The following PHTF2 variants were observed in gnomAD, a reference collection of about 807,000 sequenced individuals.
PHTF2 encodes the protein putative homeodomain transcription factor 2.
Under a neutral mutation model 101.2 loss-of-function variants are expected in PHTF2, and 60 were observed. The observed-to-expected ratio is 0.59, with a 90% CI of 0.48 to 0.73. PHTF2 has a LOEUF of 0.73. PHTF2 is among the 30% of genes least tolerant of loss of function. PHTF2 has a pLI of 0.00. For synonymous variants in PHTF2, 311 were observed against 307.3 expected (o/e 1.01, Z -0.13); for missense variants, 747 against 908.7 (o/e 0.82, Z 2.29).
At chr7:77,840,355 A>ATGTTTAT (rs1795775444) in intron 2 of PHTF2, 55 bp downstream of exon 2, 1 of 1,093,000 alleles carries the variant, frequency 9.1e-7, no homozygotes. Flanking sequence ...TCAAAAATAC[A>ATGTTTAT]TGTTTATTTC....
intron 11 of PHTF2, among the ~76,000 whole-genome samples, chr7:77,927,177 A>AATATATATATATATAT (rs386410516): frequency 6.4e-5 from 5 of 78,152 alleles, no homozygotes; most frequent in Admixed American, 1.8e-4. Context: ...AAAAAAAAAA[A>AATATATATATATATAT]ATATATATAT....
chr7:77,885,659 A>G (rs1584593585), intron 3 of PHTF2, among the ~76,000 whole-genome samples: 1 of 152,152 alleles, frequency 6.6e-6, no homozygotes, highest in East Asian at 1.9e-4. Flanking sequence ...TGGCCAGGCT[A>G]GTCTGGAGCT....
intron 1 of PHTF2, among the ~76,000 whole-genome samples, chr7:77,817,581 A>C (rs138774406): frequency 1.3e-5 from 2 of 149,214 alleles, no homozygotes; most frequent in Admixed American, 6.7e-5. Flanking sequence ...CATGAGGGAA[A>C]CCACCCCAAT....
At chr7:77,937,825 T>C in exon 13 of PHTF2, 1 of 1,535,112 alleles carries the variant, frequency 6.5e-7, no homozygotes, top group Non-Finnish European at 8.8e-7. Context: ...ATCAGTGGAA[T>C]GATAATGAAC....
chr7:77,821,071 T>C (rs1794248723), intron 1 of PHTF2, among the ~76,000 whole-genome samples: 1 of 152,186 alleles, frequency 6.6e-6, no homozygotes, highest in African/African-American at 2.4e-5. Flanking sequence ...AAAGGTTTTA[T>C]TTCTCCTTCA....
rs140058060 is a variant in PHTF2 at position 77,852,266 on chromosome 7, C to G, written c.46-2467C>G. ...CAGCACTTTCGGAGGCTGAGGCAGG[C>G]AGATCACTTGAGGTCAGGAGTTTAA... On this transcript the variant is annotated intron_variant, in intron 2 of 19. Coordinates refer to ENST00000416283, the Ensembl canonical transcript of PHTF2. 5.2e-3 allele frequency among the ~76,000 whole-genome samples: 796 copies of G among 152,318 alleles called. 7 individuals carry two copies. Among genetic ancestry groups the G allele is most frequent in the African/African-American group, 0.018 (740 of 41,564 alleles).
chr7:77,856,926 T>C (rs555953269), intron 3 of PHTF2, among the ~76,000 whole-genome samples: 1 of 152,156 alleles, frequency 6.6e-6, no homozygotes, highest in Non-Finnish European at 1.5e-5. Context: ...TTTATCACTC[T>C]TAAAAATAAT....
intron 5 of PHTF2, among the ~76,000 whole-genome samples, chr7:77,895,725 G>A (rs573588022): frequency 6.6e-6 from 1 of 152,242 alleles, no homozygotes; most frequent in East Asian, 1.9e-4. Context: ...ATGTTAGGGT[G>A]AGGAAGGATT....
At chr7:77,931,079 G>A (rs891838297) in intron 12 of PHTF2, among the ~76,000 whole-genome samples, 1 of 152,036 alleles carries the variant, frequency 6.6e-6, no homozygotes, top group Non-Finnish European at 1.5e-5. Context: ...GAAAAAGAAC[G>A]GACTATATGG....
At chr7:77,945,170 C>G (rs924674772) in intron 16 of PHTF2, among the ~76,000 whole-genome samples, 3 of 152,152 alleles carry the variant, frequency 2.0e-5, no homozygotes, top group African/African-American at 7.2e-5. Flanking sequence ...TGAAACCTCT[C>G]TCTACTGAAA....
chr7:77,880,236 TC>T (rs373132414), intron 3 of PHTF2, among the ~76,000 whole-genome samples: 37 of 152,326 alleles, frequency 2.4e-4, no homozygotes, highest in African/African-American at 8.2e-4. Flanking sequence ...ATTAAGCCAT[TC>T]CCCTGTTTAC....
chr7:77,895,372 A>C (rs17159264), intron 5 of PHTF2, among the ~76,000 whole-genome samples: 18,278 of 152,152 alleles, frequency 0.12, 1,684 homozygotes, highest in African/African-American at 0.25. Flanking sequence ...AGGAAAGAGA[A>C]GTAGGAGATC....
rs59882937 is a variant in PHTF2, at chr7:77,954,842, A to ATT, written c.2338-6_2338-5dup. On this transcript the variant is annotated splice_polypyrimidine_tract_variant and intron_variant, in intron 19 of 19. Transcript: ENST00000416283. ...TTAAAACTGGCTTGTCACCACTTCTATTTTTTTTTTTCTAGCTATGGAAGA... is the reference window on the plus strand; with the variant it reads ...TTAAAACTGGCTTGTCACCACTTCTATTTTTTTTTTTTTCTAGCTATGGAAGA... 2,503 of 1,208,254 alleles carry ATT rather than the reference A, an allele frequency of 2.1e-3. No homozygotes were observed. Among genetic ancestry groups the ATT allele is most frequent in the South Asian group, 7.4e-3 (513 of 68,898 alleles). 74.8% of individuals were successfully genotyped at this position (1,208,254 alleles called of 1,614,324 possible).
intron 1 of PHTF2, among the ~76,000 whole-genome samples, chr7:77,828,041 C>G (rs1794818015): frequency 6.6e-6 from 1 of 152,196 alleles, no homozygotes; most frequent in African/African-American, 2.4e-5. Flanking sequence ...GTTTAGTTAA[C>G]TCTTTAAGCC....
intron 16 of PHTF2, among the ~76,000 whole-genome samples, chr7:77,947,531 C>A (rs1160447968): frequency 6.6e-6 from 1 of 151,886 alleles, no homozygotes; most frequent in Non-Finnish European, 1.5e-5. Context: ...CCACTGCACT[C>A]CAGCCTGGGC....
intron 1 of PHTF2, among the ~76,000 whole-genome samples, chr7:77,825,751 C>T (rs1270459845): frequency 2.0e-5 from 3 of 151,972 alleles, no homozygotes; most frequent in Admixed American, 6.6e-5. Context: ...TAGGGGTGGC[C>T]GAGCAGAATC....
chr7:77,884,307 T>C (rs986501491), intron 3 of PHTF2, among the ~76,000 whole-genome samples: 1 of 152,198 alleles, frequency 6.6e-6, no homozygotes, highest in Non-Finnish European at 1.5e-5. Flanking sequence ...TGATGAAGTC[T>C]GAGATTTCAT....
chr7:77,888,475 T>C (rs1800073788), intron 3 of PHTF2, among the ~76,000 whole-genome samples: 1 of 152,178 alleles, frequency 6.6e-6, no homozygotes, highest in South Asian at 2.1e-4. Flanking sequence ...TTATGTTGAA[T>C]AGGCCCTTTT....
chr7:77,914,437 C>T (rs1416246748), intron 9 of PHTF2, among the ~76,000 whole-genome samples: 1 of 152,150 alleles, frequency 6.6e-6, no homozygotes, highest in Non-Finnish European at 1.5e-5. Context: ...AGCTAAGGCA[C>T]AGTGGAGGAG....
Sources: allele counts gnomAD v4.1 joint callset (sites outside exome capture counted in the v4.1 genomes callset), GRCh38; gene constraint gnomAD v4.1.1; transcripts MANE v1.5; gene names NCBI Gene and HGNC (gene_info 2026-07-23, HGNC 2026-07-21).